Variants in NEK4 observed in about 807,000 individuals in gnomAD.
NEK4 encodes NIMA related kinase 4, also known as serine/threonine-protein kinase Nek4.
NEK4 carries 86 observed loss-of-function variants against 98.4 expected under a neutral mutation model. The ratio of observed to expected loss-of-function variants is 0.87; its 90% CI spans 0.73 to 1.05. NEK4 has a LOEUF of 1.05. NEK4 is among the 50% of genes least tolerant of loss of function. The probability of loss-of-function intolerance (pLI) is 0.00; values close to 1 mark genes in which losing one functional copy is unlikely to be tolerated. For missense variants in NEK4, 898 were observed against 950.3 expected, an observed-to-expected ratio of 0.94 and a Z score of 0.72; for synonymous variants, 328 against 342.2, an observed-to-expected ratio of 0.96 and a Z score of 0.46.
At chr3:52,714,843 C>T (rs940350080) in intron 15 of NEK4, among the ~76,000 whole-genome samples, 2 of 152,206 alleles carry the variant, frequency 1.3e-5, no homozygotes, top group African/African-American at 2.4e-5. Flanking sequence ...AGCCCAGGCG[C>T]GGTCAAAGCC....
In NEK4 at chr3:52,748,215, C is replaced by T. The variant is rs183038398; in HGVS notation, c.1507-1311G>A. On this transcript the variant is annotated intron_variant, in intron 8 of 15. Coordinates refer to ENST00000233027, the MANE Select transcript of NEK4 (RefSeq NM_003157.6). ...ATCTCCTGACCTCATGATCCGCCCG[C>T]CTCGGCCTCCCAAAGTGCTGGAATT... Among the ~76,000 whole-genome samples the T allele has an allele frequency of 5.5e-3, 831 of 151,958 alleles. 13 individuals carry two copies. The South Asian group carries it at 0.067, about 12-fold the overall frequency.
chr3:52,739,327 A>T, intron 14 of NEK4, 102 bp downstream of exon 14: 1 of 905,950 alleles, frequency 1.1e-6, no homozygotes, highest in Non-Finnish European at 1.8e-6. Flanking sequence ...TGAACCCGGG[A>T]GGCAAAGGTT....
At chr3:52,743,018 A>G (rs1468818472) in intron 12 of NEK4, among the ~76,000 whole-genome samples, 1 of 152,128 alleles carries the variant, frequency 6.6e-6, no homozygotes, top group Non-Finnish European at 1.5e-5. Flanking sequence ...CTCCTGGGCT[A>G]AAGCAATCTT....
chr3:52,747,780 C>T (rs2097398744), intron 8 of NEK4, among the ~76,000 whole-genome samples: 1 of 141,352 alleles, frequency 7.1e-6, no homozygotes, highest in South Asian at 2.1e-4. Context: ...CCTCCATCTC[C>T]ATTTAAAAAA....
intron 1 of NEK4, 23 bp from the exon 2 acceptor site, chr3:52,768,627 T>C (rs1352872792): frequency 1.9e-6 from 3 of 1,609,902 alleles, no homozygotes; most frequent in Non-Finnish European, 1.7e-6. Flanking sequence ...CATGTATTTT[T>C]ACAATGTGCA....
chr3:52,739,778 A>G (rs1367051891), intron 13 of NEK4, 144 bp from the exon 14 acceptor site: 1 of 653,896 alleles, frequency 1.5e-6, no homozygotes, highest in South Asian at 1.9e-5. Context: ...CCTTCCACAA[A>G]TAACAACTAT....
At chr3:52,743,616 G>GA (rs767320523) in intron 11 of NEK4, among the ~76,000 whole-genome samples, 155 bp from the exon 12 acceptor site, 19 of 152,170 alleles carry the variant, frequency 1.2e-4, no homozygotes, top group Non-Finnish European at 2.5e-4. Flanking sequence ...CACCTCAGTT[G>GA]AAATCTTAGC....
At chr3:52,760,133 T>C (rs550385995) in intron 6 of NEK4, among the ~76,000 whole-genome samples, 1 of 152,360 alleles carries the variant, frequency 6.6e-6, no homozygotes, top group African/African-American at 2.4e-5. Flanking sequence ...GTTTTGGAAC[T>C]ACATAGAAGT....
At chr3:52,766,856 G>A (rs911352830) in intron 2 of NEK4, among the ~76,000 whole-genome samples, 2 of 152,026 alleles carry the variant, frequency 1.3e-5, no homozygotes, top group African/African-American at 2.4e-5. Context: ...CGCAGTGGCG[G>A]GCGCCTGTAG....
At chr3:52,744,403 GA>G (rs2097392152) in intron 10 of NEK4, 98 bp from the exon 11 acceptor site, 2 of 971,178 alleles carry the variant, frequency 2.1e-6, no homozygotes, top group African/African-American at 3.2e-5. Flanking sequence ...AAAAAGGTCT[GA>G]GCTGGATGCG....
Position 52,765,925 on chromosome 3 carries a change from C to T in NEK4, c.628G>A (p.Asp210Asn), listed in dbSNP as rs763039392. The T allele has an allele frequency of 1.2e-6, 2 of 1,611,710 alleles. No individual in the cohort carries two copies. Among genetic ancestry groups the T allele is most frequent in the Non-Finnish European group, 1.7e-6 (2 of 1,177,840 alleles). The part of the protein sequence containing the change: ...ATLKHAFNAK[D>N]MNSLVYRIIE... ...ATCCGATAAACTAAAGAATTCATAT[C>T]TTTTGCATTGAAAGCATGCTTCAAG... is the stretch of plus-strand genomic sequence containing the variant. Residue 210 changes from aspartate (D) to asparagine (N), a missense_variant, in exon 4 of 16, where the codon GAT becomes AAT. Coordinates refer to ENST00000233027, the MANE Select transcript of NEK4 (RefSeq NM_003157.6).
In NEK4 at chr3:52,763,366, T is replaced by C. The variant is rs73839177; in HGVS notation, c.821+104A>G. The stretch of plus-strand genomic sequence containing the variant: ...TGTAATCATGCCATTTTATTTCTTG[T>C]TTTTAAGAAAACTCACCATTAATTC... On this transcript the variant is annotated intron_variant, in intron 5 of 15. Transcript: ENST00000233027. 8.3e-5 allele frequency: 100 copies of C among 1,207,740 alleles called. No homozygotes were observed. In the African/African-American group the frequency reaches 1.2e-3, roughly 15 times the overall value. 74.8% of individuals were successfully genotyped at this position (1,207,740 alleles called of 1,614,324 possible).
chr3:52,764,030 ATCCC>A (rs1698456131), intron 4 of NEK4, among the ~76,000 whole-genome samples: 2 of 152,364 alleles, frequency 1.3e-5, no homozygotes, highest in South Asian at 4.1e-4. Flanking sequence ...TACGCCTGTA[ATCCC>A]AGCACTTTGG....
At chr3:52,748,410 T>C (rs1270437183) in intron 8 of NEK4, among the ~76,000 whole-genome samples, 1 of 152,192 alleles carries the variant, frequency 6.6e-6, no homozygotes, top group Admixed American at 6.5e-5. Flanking sequence ...CAAATAAAAA[T>C]AATTGTTTTA....
At chr3:52,741,634 A>G (rs2097386389) in intron 12 of NEK4, 135 bp from the exon 13 acceptor site, 1 of 530,482 alleles carries the variant, frequency 1.9e-6, no homozygotes, top group Non-Finnish European at 3.3e-6. Flanking sequence ...TAACAAATAC[A>G]AAAATTGTTC....
intron 15 of NEK4, among the ~76,000 whole-genome samples, chr3:52,726,414 C>T (rs1289894152): frequency 2.0e-5 from 3 of 151,256 alleles, no homozygotes; most frequent in Non-Finnish European, 4.4e-5. Context: ...CTGGCTAACA[C>T]GGTGAAACCC....
chr3:52,751,915 G>C lies in NEK4; in HGVS notation c.1368+17C>G, dbSNP rs773383230. The C allele has an allele frequency of 1.9e-6, 3 of 1,602,982 alleles. No individual in the cohort carries two copies. Among genetic ancestry groups the C allele is most frequent in the Non-Finnish European group, 2.6e-6 (3 of 1,173,982 alleles). Reference sequence around the variant, plus strand: ...CTTCTCTCCAAAACCAGTATCTCATGTGTGCATATCACTCACCTGGTCCTT... The same window carrying C: ...CTTCTCTCCAAAACCAGTATCTCATCTGTGCATATCACTCACCTGGTCCTT... On this transcript the variant is annotated intron_variant, in intron 7 of 15. Coordinates refer to ENST00000233027, the MANE Select transcript of NEK4 (RefSeq NM_003157.6).
intron 10 of NEK4, among the ~76,000 whole-genome samples, chr3:52,744,683 C>CAA (rs567707729): frequency 0.073 from 5,936 of 80,912 alleles, 269 homozygotes; most frequent in Non-Finnish European, 0.11. Context: ...GACTCCATCT[C>CAA]AAAAAAAAAA....
rs1207505436 is a variant in NEK4 at position 52,708,489 on chromosome 3, A to G, written c.*3288T>C. 2.6e-5 allele frequency: 4 copies of G among 152,260 alleles called. No individual in the cohort carries two copies. The highest frequency in any genetic ancestry group is 5.9e-5 in the Non-Finnish European group (4 of 68,054). The allele number at this position is 152,260 out of a possible 1,614,324, so 9.4% of individuals were successfully genotyped here. A position where few individuals can be genotyped will look rare whatever the true frequency, so the allele number is the denominator to read the frequency against. The stretch of plus-strand genomic sequence containing the variant: ...TTATTGAATGAGAACTGCATTGTAC[A>G]ATATGGTGCCACTAGACACGTCTAT... On this transcript the variant is annotated 3_prime_UTR_variant, in exon 16 of 16. Transcript: ENST00000233027.
Sources: allele counts gnomAD v4.1 joint callset (sites outside exome capture counted in the v4.1 genomes callset), GRCh38; gene constraint gnomAD v4.1.1; transcripts MANE v1.5; gene names NCBI Gene and HGNC (gene_info 2026-07-23, HGNC 2026-07-21).